The following ASPRV1 variants were observed in gnomAD, a reference collection of about 807,000 sequenced individuals.
ASPRV1 encodes retroviral-like aspartic protease 1.
Under a neutral mutation model 11.0 loss-of-function variants are expected in ASPRV1, and 7 were observed. The ratio of observed to expected loss-of-function variants is 0.64; its 90% CI spans 0.36 to 1.20. ASPRV1 has a LOEUF of 1.20. Ranked by LOEUF, ASPRV1 falls within the 50% of genes most tolerant of loss-of-function variation. The pLI is 0.02. For missense variants in ASPRV1, 299 were observed against 320.0 expected, an observed-to-expected ratio of 0.93 and a Z score of 0.50; for synonymous variants, 136 against 138.4, an observed-to-expected ratio of 0.98 and a Z score of 0.12.
At chr2:70,021,360 C>T in the ASPRV1 span, among the ~76,000 whole-genome samples, 2 of 151,176 alleles carry the variant, frequency 1.3e-5, no homozygotes, top group African/African-American at 4.9e-5. Context: ...GCTCTGTCAC[C>T]CAGGCTGGAG....
the ASPRV1 span, chr2:70,045,445 T>C: frequency 5.3e-5 from 8 of 152,306 alleles, no homozygotes; most frequent in African/African-American, 1.9e-4. Flanking sequence ...CCATCTAAAT[T>C]ATCATGTACC....
chr2:70,040,759 G>C, the ASPRV1 span, among the ~76,000 whole-genome samples: 3 of 150,010 alleles, frequency 2.0e-5, no homozygotes, highest in Non-Finnish European at 4.5e-5. Context: ...ACTTGAACCC[G>C]GGAGGCAGAG....
chr2:70,023,086 G>A, the ASPRV1 span, among the ~76,000 whole-genome samples: 1 of 152,164 alleles, frequency 6.6e-6, no homozygotes, highest in Admixed American at 6.5e-5. Context: ...GCTAGAAAGA[G>A]AATAAGATCC....
chr2:69,985,439 G>C, the ASPRV1 span, among the ~76,000 whole-genome samples: 1 of 152,060 alleles, frequency 6.6e-6, no homozygotes, highest in African/African-American at 2.4e-5. Flanking sequence ...ACATGTGATG[G>C]GCCCTGGCCT....
chr2:70,080,914 T>G, the ASPRV1 span: 1 of 152,220 alleles, frequency 6.6e-6, no homozygotes. Context: ...TTGAAACTCC[T>G]TACCTCAACC....
chr2:70,082,177 G>A, the ASPRV1 span, among the ~76,000 whole-genome samples: 1 of 151,964 alleles, frequency 6.6e-6, no homozygotes, highest in Non-Finnish European at 1.5e-5. Flanking sequence ...TAGAGACACA[G>A]TTTTGCCATG....
chr2:70,082,284 A>G, the ASPRV1 span, among the ~76,000 whole-genome samples: 1 of 152,088 alleles, frequency 6.6e-6, no homozygotes, highest in Non-Finnish European at 1.5e-5. Context: ...TTAAATAGCT[A>G]TAGGCCAGGC....
the ASPRV1 span, chr2:70,018,159 A>G: frequency 6.6e-6 from 1 of 151,186 alleles, no homozygotes; most frequent in Non-Finnish European, 1.5e-5. Context: ...AAATAAAATA[A>G]AATAAAATAA....
the ASPRV1 span, chr2:70,086,322 A>C: frequency 1.3e-5 from 2 of 152,222 alleles, no homozygotes; most frequent in African/African-American, 4.8e-5. Context: ...GAGGCGGAGT[A>C]GCGCCACGTT....
chr2:70,039,823 AAAAG>A, the ASPRV1 span, among the ~76,000 whole-genome samples: 1 of 152,222 alleles, frequency 6.6e-6, no homozygotes, highest in Non-Finnish European at 1.5e-5. Context: ...CTTGAATAAG[AAAAG>A]AAAGAACCAC....
the ASPRV1 span, among the ~76,000 whole-genome samples, chr2:70,063,233 T>G: frequency 1.3e-5 from 2 of 151,768 alleles, no homozygotes; most frequent in Admixed American, 1.3e-4. Flanking sequence ...ACTTGGCACA[T>G]GAGTGCCCCC....
chr2:69,983,789 A>G, the ASPRV1 span, among the ~76,000 whole-genome samples: 1 of 152,056 alleles, frequency 6.6e-6, no homozygotes, highest in Admixed American at 6.5e-5. Flanking sequence ...TCTGGACAGC[A>G]CCTCACTTTT....
chr2:70,009,625 T>C, the ASPRV1 span, among the ~76,000 whole-genome samples: 34,322 of 152,020 alleles, frequency 0.23, 6,550 homozygotes, highest in African/African-American at 0.48. Context: ...CCACCACACC[T>C]GGCCATAACT....
rs1434278237 is a variant in ASPRV1 at position 69,961,390 on chromosome 2, G to T, written c.47C>A (p.Ala16Asp). 1 of 1,614,018 alleles carries T rather than the reference G, an allele frequency of 6.2e-7. No homozygotes were observed. Among genetic ancestry groups the T allele is most frequent in the Non-Finnish European group, 8.5e-7 (1 of 1,180,026 alleles). Residue 16 changes from alanine (A) to aspartate (D), a missense_variant, in exon 1 of 1, where the codon GCC becomes GAC. Ala to Asp is a moderately radical substitution (Grantham distance 126). Coordinates refer to ENST00000320256, the MANE Select transcript of ASPRV1 (RefSeq NM_152792.4). ...CCCATCAAAAGGTTCCGGGACGAAG[G>T]CATGCTGCCGGCGGCCTTCCTCACT... is the stretch of plus-strand genomic sequence containing the variant. Reference protein sequence around the residue: ...ARSEEGRRQHAFVPEPFDGAN... With the variant: ...ARSEEGRRQHDFVPEPFDGAN...
chr2:69,984,433 A>G, the ASPRV1 span, among the ~76,000 whole-genome samples: 1 of 152,110 alleles, frequency 6.6e-6, no homozygotes, highest in Non-Finnish European at 1.5e-5. Context: ...AATAATCCCC[A>G]TTATTTACAG....
the ASPRV1 span, among the ~76,000 whole-genome samples, chr2:69,934,318 G>C: frequency 6.6e-6 from 1 of 152,160 alleles, no homozygotes; most frequent in Admixed American, 6.5e-5. Flanking sequence ...CCAAATCTCA[G>C]CTGCTTCTTA....
chr2:70,020,650 G>A, the ASPRV1 span, among the ~76,000 whole-genome samples: 1 of 152,170 alleles, frequency 6.6e-6, no homozygotes, highest in Non-Finnish European at 1.5e-5. Flanking sequence ...GCTGAGGCAG[G>A]AGAATCATTT....
chr2:69,981,160 A>T, the ASPRV1 span, among the ~76,000 whole-genome samples: 1 of 152,246 alleles, frequency 6.6e-6, no homozygotes, highest in Non-Finnish European at 1.5e-5. Context: ...ATCTAAACTT[A>T]TCAGAGAAAT....
the ASPRV1 span, among the ~76,000 whole-genome samples, chr2:70,013,022 T>C: frequency 1.3e-5 from 2 of 152,352 alleles, no homozygotes; most frequent in East Asian, 1.9e-4. Context: ...TGCTGGTAGA[T>C]ACCTAAAGAC....
Sources: allele counts gnomAD v4.1 joint callset (sites outside exome capture counted in the v4.1 genomes callset), GRCh38; gene constraint gnomAD v4.1.1; transcripts MANE v1.5; gene names NCBI Gene and HGNC (gene_info 2026-07-23, HGNC 2026-07-21).